CAPN9: variants seen among roughly 807,000 people sequenced by gnomAD.
CAPN9 encodes the protein calpain 9, also known as calpain-9.
In CAPN9, 81 loss-of-function variants were observed where a neutral mutation model predicts 92.8. The observed-to-expected ratio is 0.87, with a 90% CI of 0.73 to 1.05. CAPN9 has a LOEUF of 1.05. Among genes scored for constraint, CAPN9 ranks in the 50% least tolerant of loss-of-function variants. The probability of loss-of-function intolerance (pLI) is 0.00; values close to 1 mark genes in which losing one functional copy is unlikely to be tolerated. For missense variants in CAPN9, 848 were observed against 866.2 expected (o/e 0.98, Z 0.26); for synonymous variants, 304 against 328.0 (o/e 0.93, Z 0.79).
chr1:230,747,535 C>A lies in CAPN9; in HGVS notation c.39C>A (p.His13Gln). The stretch of plus-strand genomic sequence containing the variant: ...ACCGGGCCCCAGGGCCTCAGGCACA[C>A]CCGGTTCCCAAGGACGCCCGGATCA... ...YLYRAPGPQA[H>Q]PVPKDARITH... Residue 13 changes from histidine (H) to glutamine (Q), a missense_variant, in exon 1 of 20, where the codon CAC (histidine) becomes CAA (glutamine). Transcript: ENST00000271971. 6.2e-7 allele frequency: 1 copy of A among 1,614,174 alleles called. No homozygotes were observed. Among genetic ancestry groups the A allele is most frequent in the Non-Finnish European group, 8.5e-7 (1 of 1,180,044 alleles).
chr1:230,763,563 G>A (rs558289446), intron 4 of CAPN9, among the ~76,000 whole-genome samples: 13 of 152,116 alleles, frequency 8.5e-5, no homozygotes, highest in African/African-American at 1.7e-4. Context: ...CCACTAGCTC[G>A]TTAGTGAAAG....
Position 230,792,942 on chromosome 1 carries a change from T to C in CAPN9, c.1870+14T>C. On this transcript the variant is annotated intron_variant, in intron 17 of 19. Coordinates refer to ENST00000271971, the MANE Select transcript of CAPN9 (RefSeq NM_006615.3). ...TGAAAGCTGCAGGTAAAGAAAAGAC[T>C]GGAGTACAGGTGGCTGACTGCATGC... The C allele has an allele frequency of 1.2e-6, 2 of 1,602,402 alleles. No homozygotes were observed. Among genetic ancestry groups the C allele is most frequent in the Non-Finnish European group, 1.7e-6 (2 of 1,169,560 alleles).
chr1:230,759,476 C>T, intron 2 of CAPN9, 36 bp from the exon 3 acceptor site: 5 of 1,430,684 alleles, frequency 3.5e-6, no homozygotes, highest in Non-Finnish European at 4.9e-6. Context: ...TGTGAAATAG[C>T]AATGAAAATT....
intron 8 of CAPN9, among the ~76,000 whole-genome samples, chr1:230,777,574 C>A (rs542769450): frequency 1.3e-5 from 2 of 152,066 alleles, no homozygotes; most frequent in South Asian, 4.2e-4. Context: ...CTCTCTTGAC[C>A]CACTCAAGTG....
At chr1:230,797,724 C>T (rs370782589) in intron 18 of CAPN9, among the ~76,000 whole-genome samples, 3 of 152,302 alleles carry the variant, frequency 2.0e-5, no homozygotes, top group East Asian at 1.9e-4. Flanking sequence ...AGTGCTGGCA[C>T]GCTCTCCTGT....
chr1:230,786,050 A>T, intron 12 of CAPN9, 33 bp downstream of exon 12: 1 of 1,611,840 alleles, frequency 6.2e-7, no homozygotes, highest in Non-Finnish European at 8.5e-7. Context: ...GGAGTATGGG[A>T]TTCAGGTGAT....
chr1:230,759,818 G>A (rs1665519733), intron 3 of CAPN9, among the ~76,000 whole-genome samples, 188 bp downstream of exon 3: 2 of 152,272 alleles, frequency 1.3e-5, no homozygotes, highest in East Asian at 3.9e-4. Flanking sequence ...GAACATTAAC[G>A]GCATTGCACG....
At chr1:230,788,105 A>G (rs1282705950) in intron 13 of CAPN9, among the ~76,000 whole-genome samples, 1 of 152,182 alleles carries the variant, frequency 6.6e-6, no homozygotes, top group Non-Finnish European at 1.5e-5. Flanking sequence ...CTCTGGCCTC[A>G]GCCTCCCAAA....
In CAPN9 at chr1:230,767,577, C is replaced by G; in HGVS notation, c.573C>G (p.Ser191Arg). Residue 191 changes from serine to arginine, a missense_variant, in exon 5 of 20, where the codon AGC becomes AGG. Transcript: ENST00000271971. The stretch of plus-strand genomic sequence containing the variant: ...GCTATGAAGCTCTGAAGGGAGGCAG[C>G]GCCATCGAGGCCATGGAAGACTTCA... ...NGSYEALKGG[S>R]AIEAMEDFTG... 6.2e-7 allele frequency: 1 copy of G among 1,613,084 alleles called. No homozygotes were observed. Among genetic ancestry groups the G allele is most frequent in the Non-Finnish European group, 8.5e-7 (1 of 1,179,526 alleles).
At chr1:230,789,473 C>CAAA (rs57738295) in intron 13 of CAPN9, among the ~76,000 whole-genome samples, 9 of 66,264 alleles carry the variant, frequency 1.4e-4, no homozygotes, top group Non-Finnish European at 1.9e-4. Context: ...GACCCTGTAT[C>CAAA]AAAAAAAAAA....
intron 14 of CAPN9, among the ~76,000 whole-genome samples, chr1:230,791,362 T>C (rs1245385834): frequency 6.6e-6 from 1 of 152,218 alleles, no homozygotes; most frequent in Non-Finnish European, 1.5e-5. Context: ...TTTTAAAAAC[T>C]ATCCAACTGT....
chr1:230,762,552 G>A, intron 3 of CAPN9, 101 bp from the exon 4 acceptor site: 1 of 1,386,772 alleles, frequency 7.2e-7, no homozygotes, highest in East Asian at 2.3e-5. Flanking sequence ...TGGGTAGCTT[G>A]GTCAGAGGGG....
rs1558093190 is a variant in CAPN9 at position 230,767,605 on chromosome 1, G to A, written c.601G>A (p.Gly201Arg). The change falls in exon 5 of 20, where the codon GGG becomes AGG. Residue 201 changes from glycine to arginine, a missense_variant. Coordinates refer to ENST00000271971, the MANE Select transcript of CAPN9 (RefSeq NM_006615.3). ...SAIEAMEDFT[G>R]GVAETFQTKE... ...CATCGAGGCCATGGAAGACTTCACT[G>A]GGGGTGTGGCAGAGACCTTCCAAAC... 1.9e-6 allele frequency: 3 copies of A among 1,613,664 alleles called. No homozygotes were observed. The highest frequency in any genetic ancestry group is 4.5e-5 in the East Asian group (2 of 44,858).
chr1:230,792,468 T>C lies in CAPN9; in HGVS notation c.1765T>C (p.Phe589Leu). 1 of 1,614,044 alleles carries C rather than the reference T, an allele frequency of 6.2e-7. No homozygotes were observed. Among genetic ancestry groups the C allele is most frequent in the Non-Finnish European group, 8.5e-7 (1 of 1,179,946 alleles). The change falls in exon 16 of 20, where the codon TTC (phenylalanine) becomes CTC (leucine). Residue 589 changes from phenylalanine (F) to leucine (L), a missense_variant. By Grantham distance (22) the Phe-to-Leu change is conservative. Coordinates refer to ENST00000271971, the MANE Select transcript of CAPN9 (RefSeq NM_006615.3). ...GCTGGAGTTTGATGAATTCAAAGTGTTCTGGGACAAGCTGAAGCAGTGGAT... is the reference window on the plus strand; with the variant it reads ...GCTGGAGTTTGATGAATTCAAAGTGCTCTGGGACAAGCTGAAGCAGTGGAT... The part of the protein sequence containing the change: ...GKLEFDEFKV[F>L]WDKLKQWINL...
At chr1:230,747,782 G>T in intron 1 of CAPN9, 73 bp downstream of exon 1, 1 of 1,372,604 alleles carries the variant, frequency 7.3e-7, no homozygotes, top group Non-Finnish European at 1.0e-6. Flanking sequence ...AGTGGAAACA[G>T]GGGTGCTGGG....
At chr1:230,749,368 GA>G (rs1360840562) in intron 1 of CAPN9, among the ~76,000 whole-genome samples, 1 of 152,204 alleles carries the variant, frequency 6.6e-6, no homozygotes. Flanking sequence ...GAAGTTACAA[GA>G]CATAAAAGAG....
At chr1:230,790,542 T>C (rs1011322239) in intron 14 of CAPN9, among the ~76,000 whole-genome samples, 2 of 152,204 alleles carry the variant, frequency 1.3e-5, no homozygotes, top group Admixed American at 1.3e-4. Context: ...AGAAACCCTT[T>C]ACCCATTAAC....
chr1:230,792,026 A>C, intron 15 of CAPN9, 98 bp downstream of exon 15: 1 of 888,414 alleles, frequency 1.1e-6, no homozygotes, highest in Non-Finnish European at 1.8e-6. Flanking sequence ...AGAACATGAC[A>C]TCCTTAGCCA....
chr1:230,760,069 A>G lies in CAPN9; in HGVS notation c.402+439A>G, dbSNP rs1296992056. On this transcript the variant is annotated intron_variant, in intron 3 of 19. Coordinates refer to ENST00000271971, the MANE Select transcript of CAPN9 (RefSeq NM_006615.3). The stretch of plus-strand genomic sequence containing the variant: ...AAAATAAAAACTGAGAAAAATACAG[A>G]CAACATCTGCTGGAGTCCCGTGTGA... Among the ~76,000 whole-genome samples the G allele has an allele frequency of 5.3e-5, 8 of 152,190 alleles. No homozygotes were observed. The East Asian group carries it at 1.5e-3, about 29-fold the overall frequency.
Sources: allele counts gnomAD v4.1 joint callset (sites outside exome capture counted in the v4.1 genomes callset), GRCh38; gene constraint gnomAD v4.1.1; transcripts MANE v1.5; gene names NCBI Gene and HGNC (gene_info 2026-07-23, HGNC 2026-07-21).